The following SLC24A4 variants were observed in gnomAD, a reference collection of about 807,000 sequenced individuals.
SLC24A4 encodes solute carrier family 24 member 4.
Under a neutral mutation model 79.0 loss-of-function variants are expected in SLC24A4, and 53 were observed. The ratio of observed to expected loss-of-function variants is 0.67; its 90% CI spans 0.54 to 0.84. The LOEUF is 0.84. Among genes scored for constraint, SLC24A4 ranks in the 40% least tolerant of loss-of-function variants. SLC24A4 has a pLI of 0.00. For synonymous variants in SLC24A4, 323 were observed against 323.8 expected (o/e 1.00, Z 0.03); for missense variants, 731 against 822.0 (o/e 0.89, Z 1.35).
intron 2 of SLC24A4, among the ~76,000 whole-genome samples, chr14:92,380,813 G>A (rs1249580374): frequency 6.6e-6 from 1 of 152,234 alleles, no homozygotes; most frequent in Non-Finnish European, 1.5e-5. Context: ...AGGCTCTGGA[G>A]GTGCAAGCGG....
At chr14:92,449,834 C>T (rs780486750) in intron 10 of SLC24A4, among the ~76,000 whole-genome samples, 1 of 152,244 alleles carries the variant, frequency 6.6e-6, no homozygotes, top group African/African-American at 2.4e-5. Context: ...GGCTCTTTGG[C>T]CCCCTTGTCC....
Position 92,330,130 on chromosome 14 carries a change from G to A in SLC24A4, c.241+4152G>A, listed in dbSNP as rs115663002. On this transcript the variant is annotated intron_variant, in intron 2 of 16. Coordinates refer to ENST00000532405, the MANE Select transcript of SLC24A4 (RefSeq NM_153646.4). ...CTCAGCCTGGGAGCATCACCTGGGA[G>A]CATGTCAGGAATGCAGAGTCTCAGG... Among the ~76,000 whole-genome samples the A allele has an allele frequency of 2.4e-3, 316 of 132,822 alleles. 1 individual carries two copies. The highest frequency in any genetic ancestry group is 8.7e-3 in the African/African-American group (304 of 35,136). The allele number at this position is 132,822 out of a possible 152,430, so 87.1% of individuals were successfully genotyped here.
chr14:92,484,280 A>G, intron 13 of SLC24A4: 1 of 985,166 alleles, frequency 1.0e-6, no homozygotes, highest in Non-Finnish European at 1.2e-6. Context: ...CTCACCTCAG[A>G]TGCTTCCTCA....
rs61977295 is a variant in SLC24A4 at position 92,445,066 on chromosome 14, C to G, written c.658-251C>G. Reference sequence around the variant, plus strand: ...CTGCCAGGTTAGCCCCCAGCAGCTACTTGGACTGTTATAAAGCACAGGACG... The same window carrying G: ...CTGCCAGGTTAGCCCCCAGCAGCTAGTTGGACTGTTATAAAGCACAGGACG... On this transcript the variant is annotated intron_variant, in intron 7 of 16. Transcript: ENST00000532405. 0.057 allele frequency among the ~76,000 whole-genome samples: 8,691 copies of G among 152,184 alleles called. 244 individuals are homozygous for G. The highest frequency in any genetic ancestry group is 0.13 in the Middle Eastern group (38 of 294).
chr14:92,389,881 G>A (rs1484982562), intron 2 of SLC24A4, among the ~76,000 whole-genome samples: 1 of 152,034 alleles, frequency 6.6e-6, no homozygotes, highest in Admixed American at 6.5e-5. Flanking sequence ...CCCACCCCTG[G>A]GCGCCTGCGT....
Position 92,385,061 on chromosome 14 carries a change from C to T in SLC24A4, c.242-48851C>T, listed in dbSNP as rs1209168046. ...ATATAAGAACTAGAACTATGCCTGA[C>T]AAACAGCAAGCGCTTAACAAGCATC... On this transcript the variant is annotated intron_variant, in intron 2 of 16. Transcript: ENST00000532405. 1.3e-5 allele frequency among the ~76,000 whole-genome samples: 2 copies of T among 152,224 alleles called. 1 individual carries two copies. The highest frequency in any genetic ancestry group is 3.8e-4 in the East Asian group (2 of 5,198).
intron 8 of SLC24A4, 132 bp from the exon 9 acceptor site, chr14:92,447,239 G>A (rs966037337): frequency 9.6e-6 from 7 of 725,670 alleles, no homozygotes; most frequent in African/African-American, 1.8e-5. Context: ...CACATGCCTG[G>A]GTTCTGGGCC....
chr14:92,351,263 A>G (rs777494611), intron 2 of SLC24A4, among the ~76,000 whole-genome samples: 17 of 134,106 alleles, frequency 1.3e-4, no homozygotes, highest in Non-Finnish European at 2.5e-4. Flanking sequence ...CACACAAAAC[A>G]CCCAATACTG....
rs906404893 is a variant in SLC24A4, at chr14:92,498,980, T to A, written c.*5352T>A. ...GGAATCAGGAGAAGAGGCTTTTCCC[T>A]CCTGTTCTGCAACCAGGGTGGAGCT... On this transcript the variant is annotated 3_prime_UTR_variant, in exon 17 of 17. Transcript: ENST00000532405. 9.2e-5 allele frequency: 14 copies of A among 152,236 alleles called. No homozygotes were observed. The highest frequency in any genetic ancestry group is 2.2e-4 in the African/African-American group (9 of 41,454). 9.4% of individuals were successfully genotyped at this position (152,236 alleles called of 1,614,324 possible).
intron 14 of SLC24A4, among the ~76,000 whole-genome samples, chr14:92,488,655 T>G (rs941529901): frequency 6.8e-6 from 1 of 147,454 alleles, no homozygotes; most frequent in Non-Finnish European, 1.5e-5. Context: ...AGGTTCCAGA[T>G]GGACATGAAT....
intron 2 of SLC24A4, among the ~76,000 whole-genome samples, chr14:92,367,219 T>C (rs907129454): frequency 2.0e-5 from 3 of 152,212 alleles, no homozygotes; most frequent in Admixed American, 2.0e-4. Flanking sequence ...CATGCCGGCC[T>C]GAGCTCTGCG....
At chr14:92,448,516 T>A (rs1211220332) in intron 9 of SLC24A4, among the ~76,000 whole-genome samples, 3 of 152,182 alleles carry the variant, frequency 2.0e-5, no homozygotes, top group African/African-American at 7.2e-5. Flanking sequence ...TAATGTTTTA[T>A]AAAGATGGGT....
intron 4 of SLC24A4, among the ~76,000 whole-genome samples, chr14:92,440,278 A>G (rs1004843701): frequency 1.3e-5 from 2 of 152,154 alleles, no homozygotes; most frequent in Admixed American, 6.5e-5. Context: ...AGATGGAGCC[A>G]TGTGCTCGCC....
intron 2 of SLC24A4, among the ~76,000 whole-genome samples, chr14:92,414,705 A>T (rs747687018): frequency 1.4e-4 from 21 of 152,192 alleles, no homozygotes; most frequent in Non-Finnish European, 1.5e-5. Context: ...GCACCACCAC[A>T]CTTCAGCTTG....
intron 11 of SLC24A4, 147 bp downstream of exon 11, chr14:92,454,216 G>A: frequency 1.3e-6 from 1 of 744,382 alleles, no homozygotes; most frequent in Non-Finnish European, 2.1e-6. Flanking sequence ...ATCAGCCACA[G>A]GCAGCAAATT....
intron 7 of SLC24A4, among the ~76,000 whole-genome samples, chr14:92,444,966 CACACACTT>C (rs921737156): frequency 6.8e-6 from 1 of 148,000 alleles, no homozygotes; most frequent in Non-Finnish European, 1.5e-5. Flanking sequence ...CACACACACA[CACACACTT>C]AGCTATCTTT....
intron 14 of SLC24A4, among the ~76,000 whole-genome samples, chr14:92,487,687 C>T (rs751816246): frequency 4.6e-5 from 7 of 152,104 alleles, no homozygotes; most frequent in Admixed American, 2.6e-4. Context: ...TTGATGTGAG[C>T]GTGTTAGTTT....
At chr14:92,434,697 C>T (rs61977285) in intron 3 of SLC24A4, among the ~76,000 whole-genome samples, 22,904 of 152,074 alleles carry the variant, frequency 0.15, 2,389 homozygotes, top group African/African-American at 0.29. Context: ...TTCTGAAGCA[C>T]GTTTAAGGTA....
chr14:92,488,517 G>A (rs1287047602), intron 14 of SLC24A4, among the ~76,000 whole-genome samples: 1 of 64,550 alleles, frequency 1.5e-5, no homozygotes, highest in Non-Finnish European at 3.1e-5. Context: ...CATGAATGGG[G>A]GCAGGGTACT....
Sources: allele counts gnomAD v4.1 joint callset (sites outside exome capture counted in the v4.1 genomes callset), GRCh38; gene constraint gnomAD v4.1.1; transcripts MANE v1.5; gene names NCBI Gene and HGNC (gene_info 2026-07-23, HGNC 2026-07-21).